The following POLN variants were observed in gnomAD, a reference collection of about 807,000 sequenced individuals.
POLN encodes DNA polymerase nu, also known as DNA polymerase N.
Under a neutral mutation model 113.5 loss-of-function variants are expected in POLN, and 108 were observed. The ratio of observed to expected loss-of-function variants is 0.95; its 90% CI spans 0.81 to 1.12. The LOEUF (loss-of-function observed/expected upper bound fraction) is 1.12. Among genes scored for constraint, POLN ranks in the 50% most tolerant of loss-of-function variants. POLN has a pLI of 0.00. For synonymous variants in POLN, 386 were observed against 391.5 expected, an observed-to-expected ratio of 0.99 and a Z score of 0.17; for missense variants, 1,097 against 1,077.1, an observed-to-expected ratio of 1.02 and a Z score of -0.26.
At chr4:2,185,782 C>T (rs10031380) in intron 7 of POLN, among the ~76,000 whole-genome samples, 37,529 of 151,956 alleles carry the variant, frequency 0.25, 7,155 homozygotes, top group African/African-American at 0.52. Flanking sequence ...ATACAAGTTA[C>T]GGGCTTTGGG....
At chr4:2,073,327 A>G (rs1373016525) in intron 24 of POLN, among the ~76,000 whole-genome samples, 41 of 152,012 alleles carry the variant, frequency 2.7e-4, no homozygotes. Flanking sequence ...ACCACACTGC[A>G]CTGGCCCTCA....
At chr4:2,129,326 A>G in intron 17 of POLN, 70 bp from the exon 18 acceptor site, 2 of 935,998 alleles carry the variant, frequency 2.1e-6, no homozygotes, top group South Asian at 1.4e-5. Flanking sequence ...CCTCAATACA[A>G]TATTATTTGA....
chr4:2,133,385 G>A (rs954626610), intron 16 of POLN, among the ~76,000 whole-genome samples: 2 of 152,144 alleles, frequency 1.3e-5, no homozygotes, highest in African/African-American at 2.4e-5. Flanking sequence ...CTGCAGCCCC[G>A]TTCACAACAG....
chr4:2,079,476 G>A (rs1279377344), intron 23 of POLN: 4 of 985,552 alleles, frequency 4.1e-6, no homozygotes, highest in African/African-American at 1.7e-5. Context: ...TTGTATGCAT[G>A]GGTGAACACG....
At chr4:2,241,913 C>G (rs1168944535) in intron 1 of POLN, 123 bp from the exon 2 acceptor site, 4 of 985,502 alleles carry the variant, frequency 4.1e-6, no homozygotes, top group Middle Eastern at 5.2e-4. Flanking sequence ...GCCCTGATCC[C>G]CGGGCAGCTG....
rs558941896 is a variant in POLN at position 2,163,640 on chromosome 4, G to A, written c.1555-4429C>T. The stretch of plus-strand genomic sequence containing the variant: ...CTCTGTGGTTATCTATGCTGGCTGC[G>A]TATCGCAATCAACAGGGAGCTTCAA... On this transcript the variant is annotated intron_variant, in intron 13 of 25. Coordinates refer to ENST00000511885, the MANE Select transcript of POLN (RefSeq NM_181808.4). Among the ~76,000 whole-genome samples, 7 of 152,318 alleles carry A rather than the reference G, an allele frequency of 4.6e-5. No individual in the cohort carries two copies. In the South Asian group the frequency reaches 8.3e-4, roughly 18 times the overall value.
intron 2 of POLN, among the ~76,000 whole-genome samples, chr4:2,233,544 A>G (rs1051026320): frequency 6.6e-6 from 1 of 152,164 alleles, no homozygotes; most frequent in Non-Finnish European, 1.5e-5. Flanking sequence ...TCTCATCAAC[A>G]TTCCTGATAC....
chr4:2,215,481 G>A (rs1214457923), intron 3 of POLN, among the ~76,000 whole-genome samples: 4 of 152,214 alleles, frequency 2.6e-5, no homozygotes, highest in South Asian at 2.1e-4. Context: ...CCTGCCCTGA[G>A]CTGAGCATGG....
intron 23 of POLN, chr4:2,080,241 A>T (rs1321505808): frequency 1.0e-6 from 1 of 987,706 alleles, no homozygotes; most frequent in Non-Finnish European, 1.2e-6. Flanking sequence ...GGCAAGGAGG[A>T]GGTGGCTGGG....
intron 15 of POLN, among the ~76,000 whole-genome samples, chr4:2,157,425 C>G (rs989168327): frequency 1.3e-5 from 2 of 152,086 alleles, no homozygotes; most frequent in African/African-American, 4.8e-5. Flanking sequence ...CTCATAGTTT[C>G]AAGAATATTA....
intron 2 of POLN, among the ~76,000 whole-genome samples, chr4:2,238,216 T>A (rs1734836150): frequency 6.6e-6 from 1 of 152,010 alleles, no homozygotes; most frequent in Non-Finnish European, 1.5e-5. Context: ...TGAAGTCTTC[T>A]CCCCTCTCTA....
At chr4:2,217,115 G>C (rs570252448) in intron 3 of POLN, among the ~76,000 whole-genome samples, 3 of 152,312 alleles carry the variant, frequency 2.0e-5, no homozygotes, top group African/African-American at 7.2e-5. Flanking sequence ...GGAACTCCCT[G>C]ATCTTCCAAT....
At chr4:2,167,854 A>G (rs1257913840) in intron 13 of POLN, among the ~76,000 whole-genome samples, 1 of 152,084 alleles carries the variant, frequency 6.6e-6, no homozygotes, top group Non-Finnish European at 1.5e-5. Context: ...AGCTGAGATT[A>G]CATCACTGCA....
intron 5 of POLN, among the ~76,000 whole-genome samples, chr4:2,199,514 T>C (rs1223934433): frequency 2.0e-5 from 3 of 152,094 alleles, no homozygotes; most frequent in African/African-American, 7.2e-5. Flanking sequence ...GAAACAAAGA[T>C]AAGGATGACA....
chr4:2,129,051 T>C, intron 18 of POLN, 128 bp downstream of exon 18: 1 of 625,068 alleles, frequency 1.6e-6, no homozygotes, highest in Admixed American at 3.3e-5. Flanking sequence ...GCGAGACTCT[T>C]GTCTCAAAAA....
chr4:2,208,542 T>C (rs548426774), intron 4 of POLN, 55 bp from the exon 5 acceptor site: 4 of 1,350,062 alleles, frequency 3.0e-6, no homozygotes, highest in East Asian at 2.4e-5. Context: ...GACAGATCTA[T>C]AAACTAAACT....
chr4:2,165,690 G>C (rs1486585554), intron 13 of POLN, among the ~76,000 whole-genome samples: 1 of 152,150 alleles, frequency 6.6e-6, no homozygotes, highest in Non-Finnish European at 1.5e-5. Context: ...GCCTGTACAT[G>C]TGTGTACAGA....
At chr4:2,239,348 G>A (rs1452495505) in intron 2 of POLN, among the ~76,000 whole-genome samples, 1 of 152,112 alleles carries the variant, frequency 6.6e-6, no homozygotes, top group Non-Finnish European at 1.5e-5. Flanking sequence ...CTGAATCCAA[G>A]TATATGTTAC....
At position 2,208,004 on chromosome 4, in the gene POLN, G is replaced by A; in HGVS notation, c.697C>T (p.Gln233Ter). Reference protein sequence around the residue: ...ITVMYTDGSTQLGADQTPVSS... With the variant: ...ITVMYTDGST ...TTACTAACCTGGTCAGCTCCTAGCTGGGTGGAACCATCAGTATACATCACA... is the reference window on the plus strand; with the variant it reads ...TTACTAACCTGGTCAGCTCCTAGCTAGGTGGAACCATCAGTATACATCACA... The change falls in exon 5 of 26, where the codon CAG (glutamine) becomes TAG (stop). Residue 233 changes from glutamine (Q) to a stop codon, truncating the protein, a stop_gained. Coordinates refer to ENST00000511885, the MANE Select transcript of POLN (RefSeq NM_181808.4). LOFTEE classifies it high-confidence loss of function. 2 of 1,608,470 alleles carry A rather than the reference G, an allele frequency of 1.2e-6. No individual in the cohort carries two copies. Among genetic ancestry groups the A allele is most frequent in the Non-Finnish European group, 1.7e-6 (2 of 1,178,040 alleles).
Sources: gnomAD v4.1 joint callset for allele counts (sites outside exome capture counted in the v4.1 genomes callset) on GRCh38, gnomAD v4.1.1 for gene constraint, MANE v1.5 for transcripts, NCBI Gene and HGNC (gene_info 2026-07-23, HGNC 2026-07-21) for gene names.